TCF12: variants seen among roughly 807,000 people sequenced by gnomAD.
TCF12 encodes the protein transcription factor 12.
A neutral mutation model predicts 86.0 loss-of-function variants in TCF12; 45 were observed. The observed-to-expected ratio is 0.52, with a 90% confidence interval of 0.41 to 0.67. The LOEUF (loss-of-function observed/expected upper bound fraction) is 0.67, where lower values mean the gene tolerates loss of function less well. TCF12 is among the 30% of genes least tolerant of loss of function. The probability of loss-of-function intolerance (pLI) is 0.00; values close to 1 mark genes in which losing one functional copy is unlikely to be tolerated. For synonymous variants in TCF12, 330 were observed against 299.6 expected (o/e 1.10, Z -1.05); for missense variants, 881 against 859.9 (o/e 1.02, Z -0.31).
At chr15:57,110,936 A>G (rs1339553800) in intron 5 of TCF12, among the ~76,000 whole-genome samples, 2 of 152,184 alleles carry the variant, frequency 1.3e-5, no homozygotes, top group African/African-American at 4.8e-5. Context: ...AAAATGGCAG[A>G]GTGTGGTTTC....
intron 5 of TCF12, among the ~76,000 whole-genome samples, chr15:57,149,808 A>G (rs1013465730): frequency 1.3e-5 from 2 of 152,232 alleles, no homozygotes. Flanking sequence ...TATTTACAGA[A>G]GTCAAGTTTT....
intron 3 of TCF12, among the ~76,000 whole-genome samples, chr15:56,947,486 C>T (rs1195528179): frequency 1.3e-5 from 2 of 152,286 alleles, no homozygotes; most frequent in East Asian, 3.9e-4. Context: ...GCTCAAAAAT[C>T]CCTTTTCTTC....
At chr15:56,918,209 G>T (rs1253123858), upstream of TCF12, 2 of 456,268 alleles carry the variant, frequency 4.4e-6, no homozygotes, top group Non-Finnish European at 4.4e-6. Context: ...TGACCTACTC[G>T]GGAATGGCAG....
intron 3 of TCF12, among the ~76,000 whole-genome samples, chr15:56,923,571 C>CT (rs774482033): frequency 2.6e-5 from 4 of 152,062 alleles, no homozygotes; most frequent in Non-Finnish European, 5.9e-5. Flanking sequence ...GTCAGGCACT[C>CT]TAATTAGGGC....
At chr15:57,192,328 ATGT>A (rs780948808) in intron 7 of TCF12, 35 bp downstream of exon 7, 33 of 1,593,420 alleles carry the variant, frequency 2.1e-5, no homozygotes, top group Middle Eastern at 1.7e-4. Context: ...CATCCCACAT[ATGT>A]TGTTGTTGTT....
chr15:56,976,349 G>T (rs1298436788), intron 3 of TCF12, among the ~76,000 whole-genome samples: 1 of 145,628 alleles, frequency 6.9e-6, no homozygotes, highest in Non-Finnish European at 1.5e-5. Flanking sequence ...TCCTGCCTCA[G>T]CCTCCCAAGT....
chr15:57,178,901 A>G (rs2056142718), intron 6 of TCF12, among the ~76,000 whole-genome samples: 1 of 152,232 alleles, frequency 6.6e-6, no homozygotes, highest in Non-Finnish European at 1.5e-5. Context: ...TATTGCATAT[A>G]TTAAAATGAC....
intron 5 of TCF12, among the ~76,000 whole-genome samples, chr15:57,121,109 C>T (rs1368925333): frequency 3.3e-5 from 5 of 152,178 alleles, no homozygotes; most frequent in Non-Finnish European, 7.3e-5. Context: ...AGCATTTTGG[C>T]ATGATCTGGA....
chr15:57,002,266 A>G (rs1046353292), intron 3 of TCF12, among the ~76,000 whole-genome samples: 13 of 152,140 alleles, frequency 8.5e-5, no homozygotes, highest in African/African-American at 2.7e-4. Context: ...GCCCCATGAG[A>G]AAACAAACAC....
intron 3 of TCF12, among the ~76,000 whole-genome samples, chr15:56,983,861 G>T (rs2063014480): frequency 6.6e-6 from 1 of 151,700 alleles, no homozygotes; most frequent in Non-Finnish European, 1.5e-5. Flanking sequence ...AATCAGCCGG[G>T]TAGGGTGGCA....
At chr15:56,949,818 T>C (rs1423527658) in intron 3 of TCF12, among the ~76,000 whole-genome samples, 1 of 152,120 alleles carries the variant, frequency 6.6e-6, no homozygotes, top group African/African-American at 2.4e-5. Context: ...TAAAGTGTCA[T>C]GGGGTTATAG....
chr15:57,247,180 A>G (rs1329275988), intron 13 of TCF12: 3 of 595,624 alleles, frequency 5.0e-6, no homozygotes, highest in African/African-American at 3.7e-5. Context: ...TCCTTGGTCC[A>G]TCACCATCAT....
At chr15:57,115,459 A>G (rs1039203894) in intron 5 of TCF12, among the ~76,000 whole-genome samples, 2 of 152,240 alleles carry the variant, frequency 1.3e-5, no homozygotes, top group Non-Finnish European at 2.9e-5. Context: ...TATTACCTGC[A>G]TACTGTCATG....
intron 3 of TCF12, among the ~76,000 whole-genome samples, chr15:57,058,123 A>T (rs983510206): frequency 6.6e-6 from 1 of 152,208 alleles, no homozygotes; most frequent in East Asian, 1.9e-4. Context: ...AGTGACCACC[A>T]TATCACTATA....
At chr15:57,039,977 A>G (rs530463612) in intron 3 of TCF12, among the ~76,000 whole-genome samples, 6 of 152,292 alleles carry the variant, frequency 3.9e-5, no homozygotes, top group Admixed American at 2.6e-4. Context: ...CTGCTTCAAA[A>G]ATTATTTCAG....
chr15:57,127,185 G>A (rs1466588892), intron 5 of TCF12, among the ~76,000 whole-genome samples: 3 of 151,888 alleles, frequency 2.0e-5, no homozygotes, highest in Non-Finnish European at 4.4e-5. Flanking sequence ...GTTTCACCAC[G>A]TTGGCCAGGC....
chr15:56,989,084 T>C (rs1288998925), intron 3 of TCF12, among the ~76,000 whole-genome samples: 1 of 152,176 alleles, frequency 6.6e-6, no homozygotes, highest in African/African-American at 2.4e-5. Context: ...TTTATTGACA[T>C]TTTGATGTTG....
At chr15:56,920,491 T>TGTGTGC (rs1266270692) in intron 2 of TCF12, among the ~76,000 whole-genome samples, 1 of 142,216 alleles carries the variant, frequency 7.0e-6, no homozygotes, top group African/African-American at 2.5e-5. Flanking sequence ...CACACACGTG[T>TGTGTGC]GTGTGTGTGT....
intron 4 of TCF12, among the ~76,000 whole-genome samples, chr15:57,072,449 C>T (rs2069484409): frequency 6.6e-6 from 1 of 152,130 alleles, no homozygotes; most frequent in African/African-American, 2.4e-5. Flanking sequence ...TCAGTTGTCC[C>T]ATTTGTCAGC....
Sources: gnomAD v4.1 joint callset for allele counts (sites outside exome capture counted in the v4.1 genomes callset) on GRCh38, gnomAD v4.1.1 for gene constraint, MANE v1.5 for transcripts, NCBI Gene and HGNC (gene_info 2026-07-23, HGNC 2026-07-21) for gene names.